SLC9A9: variants seen among roughly 807,000 people sequenced by gnomAD.
SLC9A9 encodes sodium/hydrogen exchanger 9.
A neutral mutation model predicts 77.8 loss-of-function variants in SLC9A9; 62 were observed. The ratio of observed to expected loss-of-function variants is 0.80; its 90% CI spans 0.65 to 0.98. The LOEUF is 0.98. SLC9A9 is among the 50% of genes least tolerant of loss of function. SLC9A9 has a pLI of 0.00. For synonymous variants in SLC9A9, 320 were observed against 283.5 expected (o/e 1.13, Z -1.29); for missense variants, 775 against 774.9 (o/e 1.00, Z 0.00).
At chr3:143,788,328 T>C (rs1189322574) in intron 4 of SLC9A9, among the ~76,000 whole-genome samples, 1 of 152,122 alleles carries the variant, frequency 6.6e-6, no homozygotes, top group East Asian at 1.9e-4. Context: ...AATACAAAAA[T>C]TCCAACCACA....
chr3:143,647,682 C>T lies in SLC9A9; in HGVS notation c.755+4573G>A, dbSNP rs1482778454. Among the ~76,000 whole-genome samples, 4 of 152,350 alleles carry T rather than the reference C, an allele frequency of 2.6e-5. No individual in the cohort carries two copies. In the East Asian group the frequency reaches 7.7e-4, roughly 29 times the overall value. On this transcript the variant is annotated intron_variant, in intron 6 of 15. Transcript: ENST00000316549. Reference sequence around the variant, plus strand: ...TTCATTTCTTGACTTAGCAACTCCACATAGCATCTGTTCGTTTCCTAGTAT... The same window carrying T: ...TTCATTTCTTGACTTAGCAACTCCATATAGCATCTGTTCGTTTCCTAGTAT...
At position 143,621,110 on chromosome 3, in the gene SLC9A9, T is replaced by C. The variant is rs527900654; in HGVS notation, c.755+31145A>G. Among the ~76,000 whole-genome samples the C allele has an allele frequency of 2.9e-3, 434 of 152,220 alleles. 2 individuals carry two copies. Among genetic ancestry groups the C allele is most frequent in the African/African-American group, 9.6e-3 (399 of 41,544 alleles). On this transcript the variant is annotated intron_variant, in intron 6 of 15. Coordinates refer to ENST00000316549, the MANE Select transcript of SLC9A9 (RefSeq NM_173653.4). ...CCAAGGCTTGAGTAGGTAAACAAAG[T>C]GGCCCAGAAACTTGAACTGGGTGGA...
intron 12 of SLC9A9, 172 bp from the exon 13 acceptor site, chr3:143,382,286 A>T (rs2033323946): frequency 7.1e-6 from 5 of 699,616 alleles, no homozygotes; most frequent in Non-Finnish European, 1.3e-5. Flanking sequence ...CAAAATAAGA[A>T]CTTGAACAGC....
At position 143,686,671 on chromosome 3, in the gene SLC9A9, T is replaced by C. The variant is rs555143786; in HGVS notation, c.649+6521A>G. ...TCCACCTACCCGATATGAAAGGAGA[T>C]TTCCAACTTGTTAATCAAAATTGTT... On this transcript the variant is annotated intron_variant, in intron 5 of 15. Coordinates refer to ENST00000316549, the MANE Select transcript of SLC9A9 (RefSeq NM_173653.4). Among the ~76,000 whole-genome samples, 4 of 152,244 alleles carry C rather than the reference T, an allele frequency of 2.6e-5. No homozygotes were observed. The East Asian group carries it at 7.7e-4, about 29-fold the overall frequency.
At chr3:143,517,749 A>T in intron 9 of SLC9A9, 1 of 1,598,148 alleles carries the variant, frequency 6.3e-7, no homozygotes, top group Non-Finnish European at 8.5e-7. Context: ...GGCTTCTGTA[A>T]TTTGACGAAG....
chr3:143,676,507 G>A (rs1181727456), intron 5 of SLC9A9, among the ~76,000 whole-genome samples: 1 of 152,172 alleles, frequency 6.6e-6, no homozygotes, highest in Non-Finnish European at 1.5e-5. Context: ...GGGAGGCTGA[G>A]GAGGGCGGAT....
chr3:143,751,927 A>T (rs532887633), intron 4 of SLC9A9, among the ~76,000 whole-genome samples: 6 of 152,304 alleles, frequency 3.9e-5, no homozygotes, highest in Middle Eastern at 3.4e-3. Context: ...GGCCTGGGGC[A>T]TCCTCAGTGA....
chr3:143,287,683 A>G (rs1358955279), intron 14 of SLC9A9, among the ~76,000 whole-genome samples: 1 of 152,150 alleles, frequency 6.6e-6, no homozygotes, highest in African/African-American at 2.4e-5. Context: ...TTACTTTCCC[A>G]TTTTCTGCTC....
chr3:143,502,006 G>C (rs2035931114), intron 9 of SLC9A9, among the ~76,000 whole-genome samples: 1 of 150,432 alleles, frequency 6.6e-6, no homozygotes. Context: ...TTTAAAAAAT[G>C]AAAAAAATCT....
At chr3:143,843,114 T>TA (rs796611945) in intron 1 of SLC9A9, among the ~76,000 whole-genome samples, 17 of 152,018 alleles carry the variant, frequency 1.1e-4, no homozygotes, top group African/African-American at 3.9e-4. Context: ...ATTTTCTCTA[T>TA]AAAAAAAGCC....
At chr3:143,616,902 G>C (rs1363916182) in intron 6 of SLC9A9, among the ~76,000 whole-genome samples, 1 of 152,038 alleles carries the variant, frequency 6.6e-6, no homozygotes, top group Non-Finnish European at 1.5e-5. Context: ...TTAGATACTA[G>C]ATAAGTGCCT....
intron 4 of SLC9A9, among the ~76,000 whole-genome samples, chr3:143,736,882 T>C (rs1560056034): frequency 6.6e-6 from 1 of 152,210 alleles, no homozygotes; most frequent in Non-Finnish European, 1.5e-5. Flanking sequence ...ATTAATCAGC[T>C]CTGAGTCAGT....
chr3:143,357,516 A>G (rs1365463790), intron 14 of SLC9A9, among the ~76,000 whole-genome samples: 2 of 152,068 alleles, frequency 1.3e-5, no homozygotes, highest in South Asian at 4.1e-4. Context: ...CTTTTGCTGA[A>G]CCACCAAAGA....
intron 9 of SLC9A9, among the ~76,000 whole-genome samples, chr3:143,527,726 T>C (rs2036428886): frequency 6.6e-6 from 1 of 152,170 alleles, no homozygotes; most frequent in African/African-American, 2.4e-5. Context: ...TAGCAATAGG[T>C]CCACATCCCT....
At chr3:143,417,353 C>A (rs1204085471) in intron 12 of SLC9A9, among the ~76,000 whole-genome samples, 1 of 151,948 alleles carries the variant, frequency 6.6e-6, no homozygotes, top group African/African-American at 2.4e-5. Flanking sequence ...CCCCAACATG[C>A]CTGTATTTTG....
intron 6 of SLC9A9, among the ~76,000 whole-genome samples, chr3:143,640,019 C>CTT (rs10575577): frequency 2.2e-4 from 27 of 124,134 alleles, no homozygotes; most frequent in African/African-American, 2.8e-4. Flanking sequence ...CTTTTTTTTT[C>CTT]TTTTTTTTTT....
At chr3:143,628,820 G>A (rs1412529474) in intron 6 of SLC9A9, among the ~76,000 whole-genome samples, 1 of 151,970 alleles carries the variant, frequency 6.6e-6, no homozygotes, top group East Asian at 1.9e-4. Context: ...TGTGAATCAG[G>A]CCCAAGGAAT....
At chr3:143,307,002 C>A (rs2108433669) in intron 14 of SLC9A9, among the ~76,000 whole-genome samples, 1 of 152,304 alleles carries the variant, frequency 6.6e-6, no homozygotes, top group Non-Finnish European at 1.5e-5. Flanking sequence ...AGGTCCTCCC[C>A]ACTCTCTGTC....
chr3:143,802,944 G>C (rs2008606849), intron 2 of SLC9A9, among the ~76,000 whole-genome samples: 1 of 152,094 alleles, frequency 6.6e-6, no homozygotes, highest in Non-Finnish European at 1.5e-5. Context: ...CTATCCTCCA[G>C]TCCTCCAGCA....
Sources: gnomAD v4.1 joint callset for allele counts (sites outside exome capture counted in the v4.1 genomes callset) on GRCh38, gnomAD v4.1.1 for gene constraint, MANE v1.5 for transcripts, NCBI Gene and HGNC (gene_info 2026-07-23, HGNC 2026-07-21) for gene names.